Variants in CTNNA3 observed in about 807,000 individuals in gnomAD.
CTNNA3 encodes the protein catenin alpha-3.
A neutral mutation model predicts 95.7 loss-of-function variants in CTNNA3; 76 were observed. The ratio of observed to expected loss-of-function variants is 0.79; its 90% CI spans 0.66 to 0.96. CTNNA3 has a LOEUF of 0.96. CTNNA3 is among the 40% of genes least tolerant of loss of function. CTNNA3 has a pLI of 0.00. For synonymous variants in CTNNA3, 431 were observed against 374.4 expected (o/e 1.15, Z -1.74); for missense variants, 1,191 against 1,089.8 (o/e 1.09, Z -1.31).
At chr10:66,543,793 G>A (rs534550912) in intron 10 of CTNNA3, among the ~76,000 whole-genome samples, 7 of 151,016 alleles carry the variant, frequency 4.6e-5, no homozygotes, top group Non-Finnish European at 8.9e-5. Context: ...TCACCATTGT[G>A]AGTTAATTTT....
intron 17 of CTNNA3, among the ~76,000 whole-genome samples, chr10:65,940,869 C>G (rs75388692): frequency 2.0e-3 from 310 of 152,296 alleles, no homozygotes; most frequent in Non-Finnish European, 3.5e-3. Flanking sequence ...TTGTTTAACT[C>G]ATGTTTCATG....
intron 5 of CTNNA3, among the ~76,000 whole-genome samples, chr10:67,267,210 T>G (rs1312383855): frequency 1.3e-5 from 2 of 152,230 alleles, no homozygotes; most frequent in Non-Finnish European, 2.9e-5. Flanking sequence ...GTAGCCATTT[T>G]ACACTATGTG....
chr10:66,690,985 T>A (rs1323755149), intron 9 of CTNNA3, among the ~76,000 whole-genome samples: 2 of 152,222 alleles, frequency 1.3e-5, no homozygotes, highest in Admixed American at 6.5e-5. Flanking sequence ...CCAGCCAAGA[T>A]GGCCGAATAG....
At chr10:66,001,623 C>A (rs749301713) in intron 15 of CTNNA3, among the ~76,000 whole-genome samples, 5 of 152,046 alleles carry the variant, frequency 3.3e-5, no homozygotes, top group Non-Finnish European at 5.9e-5. Flanking sequence ...AATAGAAAAT[C>A]AAATGTTTTA....
rs141564560 is a variant in CTNNA3, at chr10:67,375,426, C to T, written c.579+146416G>A. Among the ~76,000 whole-genome samples, 18 of 152,080 alleles carry T rather than the reference C, an allele frequency of 1.2e-4. 1 individual carries two copies. The East Asian group carries it at 3.5e-3, about 29-fold the overall frequency. Reference sequence around the variant, plus strand: ...TTCACAACCAGCCTAGCCAACATGGCGAAACCCTGTCTCTGCTAAAAATAC... The same window carrying T: ...TTCACAACCAGCCTAGCCAACATGGTGAAACCCTGTCTCTGCTAAAAATAC... On this transcript the variant is annotated intron_variant, in intron 5 of 17. Coordinates refer to ENST00000433211, the MANE Select transcript of CTNNA3 (RefSeq NM_013266.4).
chr10:66,216,560 A>T (rs980561185), intron 13 of CTNNA3, among the ~76,000 whole-genome samples: 1 of 152,224 alleles, frequency 6.6e-6, no homozygotes, highest in Non-Finnish European at 1.5e-5. Context: ...ACTACCAAGC[A>T]TCATAACAAA....
At chr10:67,285,840 T>C (rs964847165) in intron 5 of CTNNA3, among the ~76,000 whole-genome samples, 4 of 152,218 alleles carry the variant, frequency 2.6e-5, no homozygotes, top group Non-Finnish European at 5.9e-5. Flanking sequence ...AACAGCAATA[T>C]AATGCAGGAC....
At chr10:66,924,678 C>G (rs899971532) in intron 7 of CTNNA3, among the ~76,000 whole-genome samples, 1 of 152,128 alleles carries the variant, frequency 6.6e-6, no homozygotes, top group Admixed American at 6.5e-5. Context: ...ATATTCAGTA[C>G]GTAATCCTAG....
At chr10:66,998,660 A>T (rs1851504806) in intron 7 of CTNNA3, among the ~76,000 whole-genome samples, 1 of 152,198 alleles carries the variant, frequency 6.6e-6, no homozygotes, top group Non-Finnish European at 1.5e-5. Flanking sequence ...AGCAAAAAAT[A>T]TAGTAATTCC....
At chr10:66,055,796 C>T (rs756220245) in intron 15 of CTNNA3, among the ~76,000 whole-genome samples, 2 of 151,756 alleles carry the variant, frequency 1.3e-5, no homozygotes, top group Non-Finnish European at 2.9e-5. Context: ...GTGGTATGCA[C>T]CTGTAATCCC....
At chr10:66,050,026 A>C (rs2079914463) in intron 15 of CTNNA3, among the ~76,000 whole-genome samples, 1 of 152,166 alleles carries the variant, frequency 6.6e-6, no homozygotes, top group African/African-American at 2.4e-5. Context: ...TGAATGGCCA[A>C]ATTAGTATTT....
rs774659352 is a variant in CTNNA3, at chr10:66,927,663, C to CGG, written c.1048-152140_1048-152139insCC. 1 of 1,614,032 alleles carries CGG rather than the reference C, an allele frequency of 6.2e-7. No individual in the cohort carries two copies. The highest frequency in any genetic ancestry group is 1.3e-5 in the African/African-American group (1 of 74,908). On this transcript the variant is annotated intron_variant, in intron 7 of 17. Transcript: ENST00000433211. This position sits in a 1 kb window ranked among gnomAD's most constrained non-coding sequence, Gnocchi z 4.7. Reference sequence around the variant, plus strand: ...TCAGTGTCATAGGACAGACCATGTCCTGGACCTGGAGCTCCTTACAAAGGC... The same window carrying CGG: ...TCAGTGTCATAGGACAGACCATGTCCGGTGGACCTGGAGCTCCTTACAAAGGC...
intron 7 of CTNNA3, among the ~76,000 whole-genome samples, chr10:66,782,415 A>G (rs1311839749): frequency 1.3e-5 from 2 of 152,062 alleles, no homozygotes; most frequent in African/African-American, 4.8e-5. Context: ...TCAACAGGAA[A>G]ATTCTTAATT....
At chr10:66,498,334 T>G (rs114326178) in intron 11 of CTNNA3, among the ~76,000 whole-genome samples, 2,122 of 152,216 alleles carry the variant, frequency 0.014, 49 homozygotes, top group African/African-American at 0.049. Context: ...CACTGGCAGA[T>G]AAACTTAATA....
intron 15 of CTNNA3, among the ~76,000 whole-genome samples, chr10:66,001,802 C>T (rs563197614): frequency 4.6e-5 from 7 of 152,180 alleles, no homozygotes; most frequent in African/African-American, 1.7e-4. Context: ...TCCAAAATTA[C>T]AATACTTGCC....
Position 66,117,775 on chromosome 10 carries a change from T to G in CTNNA3, c.1885-14526A>C, listed in dbSNP as rs536087794. 8.8e-4 allele frequency among the ~76,000 whole-genome samples: 134 copies of G among 152,330 alleles called. 1 individual carries two copies. The South Asian group carries it at 0.018, about 21-fold the overall frequency. On this transcript the variant is annotated intron_variant, in intron 13 of 17. Coordinates refer to ENST00000433211, the MANE Select transcript of CTNNA3 (RefSeq NM_013266.4). Reference sequence around the variant, plus strand: ...CAATGGTTTTCAAAAGTAATTTAAGTAGTAAAACCATTTTTAATAAAATTA... The same window carrying G: ...CAATGGTTTTCAAAAGTAATTTAAGGAGTAAAACCATTTTTAATAAAATTA...
intron 1 of CTNNA3, among the ~76,000 whole-genome samples, chr10:67,666,674 G>A (rs1483127598): frequency 6.6e-6 from 1 of 152,110 alleles, no homozygotes; most frequent in Non-Finnish European, 1.5e-5. Flanking sequence ...TGCACCCAAT[G>A]ACATGTATTT....
intron 11 of CTNNA3, among the ~76,000 whole-genome samples, chr10:66,445,228 C>T (rs1031955513): frequency 1.6e-4 from 24 of 151,912 alleles, no homozygotes; most frequent in African/African-American, 5.3e-4. Context: ...TAATGGGAGA[C>T]ATTAACACCC....
intron 13 of CTNNA3, among the ~76,000 whole-genome samples, chr10:66,267,693 T>A (rs1316349679): frequency 6.6e-6 from 1 of 152,170 alleles, no homozygotes. Context: ...CAATATGATG[T>A]CTTCTTCATT....
Sources: allele counts gnomAD v4.1 joint callset (sites outside exome capture counted in the v4.1 genomes callset), GRCh38; gene constraint gnomAD v4.1.1; non-coding constraint Gnocchi (gnomAD v3.1); transcripts MANE v1.5; gene names NCBI Gene and HGNC (gene_info 2026-07-23, HGNC 2026-07-21).